Variants in CASP6 observed in about 807,000 individuals in gnomAD.
CASP6 encodes caspase 6.
In CASP6, 20 loss-of-function variants were observed where a neutral mutation model predicts 31.8. The observed-to-expected ratio is 0.63, with a 90% CI of 0.44 to 0.91. The LOEUF (loss-of-function observed/expected upper bound fraction) is 0.91, where lower values mean the gene tolerates loss of function less well. CASP6 is among the 40% of genes least tolerant of loss of function. The pLI, the probability that CASP6 is intolerant of heterozygous loss-of-function variation, is 0.00. For missense variants in CASP6, 328 were observed against 361.1 expected, an observed-to-expected ratio of 0.91 and a Z score of 0.74; for synonymous variants, 130 against 127.8, an observed-to-expected ratio of 1.02 and a Z score of -0.12.
the CASP6 span, among the ~76,000 whole-genome samples, chr4:109,673,329 A>G: frequency 4.9e-3 from 748 of 152,276 alleles, 2 homozygotes; most frequent in Non-Finnish European, 7.0e-3. Flanking sequence ...CATGGACCAT[A>G]AGCCTTAGGT....
At chr4:109,691,856 AG>A (rs1351539917) in intron 5 of CASP6, 1 of 152,246 alleles carries the variant, frequency 6.6e-6, no homozygotes, top group Non-Finnish European at 1.5e-5. Context: ...ATGAAGGCAC[AG>A]GGACAAGATG....
At chr4:109,665,373 A>G in the CASP6 span, among the ~76,000 whole-genome samples, 2 of 152,180 alleles carry the variant, frequency 1.3e-5, no homozygotes, top group Non-Finnish European at 2.9e-5. Flanking sequence ...ACTCTTGCTT[A>G]TATCAATTAG....
chr4:109,689,555 G>A lies in CASP6; in HGVS notation c.657C>T (p.His219=), dbSNP rs374029012. Residue 219 remains histidine, a synonymous_variant, in exon 7 of 7, where the codon CAC becomes CAT. Coordinates refer to ENST00000265164, the MANE Select transcript of CASP6 (RefSeq NM_001226.4). ...ACCATGAGCCGTTCACAGTTTCCCG[G>A]TGAGAATAATATCCTAAAAAAGTGA... ...CYSVAEGYYS[H]RETVNGSWYI... 1.7e-5 allele frequency: 27 copies of A among 1,613,984 alleles called. No homozygotes were observed. The East Asian group carries it at 3.1e-4, about 19-fold the overall frequency.
At chr4:109,703,952 T>C (rs1201354163), upstream of CASP6, among the ~76,000 whole-genome samples, 1 of 152,204 alleles carries the variant, frequency 6.6e-6, no homozygotes, top group Non-Finnish European at 1.5e-5. Context: ...TTCATTGTTA[T>C]TATGTCTGCT....
chr4:109,666,443 A>G, the CASP6 span, among the ~76,000 whole-genome samples: 3,822 of 152,272 alleles, frequency 0.025, 143 homozygotes, highest in African/African-American at 0.088. Flanking sequence ...CTGTTGCCCC[A>G]TATCCTTGCC....
chr4:109,692,436 GAA>G (rs1730086183), intron 5 of CASP6: 1 of 152,202 alleles, frequency 6.6e-6, no homozygotes, highest in African/African-American at 2.4e-5. Flanking sequence ...CATAGAGAGA[GAA>G]AGTAACTTGG....
In CASP6 at chr4:109,690,935, G is replaced by A. The variant is rs918618182; in HGVS notation, c.558C>T (p.Asp186=). Residue 186 remains aspartate, a synonymous_variant, in exon 6 of 7, where the codon GAC becomes GAT. Coordinates refer to ENST00000265164, the MANE Select transcript of CASP6 (RefSeq NM_001226.4). ...CTGCATCCACCTCAGTTATGTTGGT[G>A]TCCAACTTCTCTGTCTGATTATCTA... The part of the protein sequence containing the change: ...DVVDNQTEKL[D]TNITEVDAAS... 4.3e-6 allele frequency: 7 copies of A among 1,613,692 alleles called. No homozygotes were observed. The highest frequency in any genetic ancestry group is 5.9e-6 in the Non-Finnish European group (7 of 1,179,864).
chr4:109,671,545 C>G, the CASP6 span, among the ~76,000 whole-genome samples: 6 of 152,154 alleles, frequency 3.9e-5, no homozygotes, highest in Admixed American at 6.5e-5. Context: ...ATTTCTGTTA[C>G]AGTGGTTTTT....
At chr4:109,704,776 T>A (rs1413025982), upstream of CASP6, among the ~76,000 whole-genome samples, 1 of 152,216 alleles carries the variant, frequency 6.6e-6, no homozygotes, top group Admixed American at 6.5e-5. Context: ...AGTGGTGCGA[T>A]CTTTTGCAAC....
chr4:109,684,857 AAC>A (rs1190595133), downstream of CASP6: 5 of 475,996 alleles, frequency 1.1e-5, 1 homozygote, highest in East Asian at 1.0e-4. Context: ...TAATTAGTGT[AAC>A]ACACAAATTC....
At chr4:109,684,542 C>T (rs1729791879), downstream of CASP6, 5 of 1,612,062 alleles carry the variant, frequency 3.1e-6, no homozygotes, top group East Asian at 1.1e-4. Context: ...ACTGGCCTGG[C>T]TCACGTGGTG....
At chr4:109,680,586 G>C in the CASP6 span, among the ~76,000 whole-genome samples, 1 of 151,756 alleles carries the variant, frequency 6.6e-6, no homozygotes, top group African/African-American at 2.4e-5. Flanking sequence ...AAAGGACTCT[G>C]ACTCTTCTAC....
At chr4:109,700,833 T>C (rs1433820147) in intron 1 of CASP6, among the ~76,000 whole-genome samples, 1 of 152,234 alleles carries the variant, frequency 6.6e-6, no homozygotes, top group African/African-American at 2.4e-5. Flanking sequence ...TTTCTGGAGT[T>C]GATAAACTTT....
At chr4:109,706,168 T>TATATATATATATATACATAC (rs1438834395), upstream of CASP6, among the ~76,000 whole-genome samples, 8 of 92,470 alleles carry the variant, frequency 8.7e-5, no homozygotes, top group African/African-American at 2.4e-4. Flanking sequence ...TATATATATA[T>TATATATATATATATACATAC]ATACACACAC....
At chr4:109,703,159 A>G (rs997455179) in intron 1 of CASP6, among the ~76,000 whole-genome samples, 197 bp downstream of exon 1, 3 of 152,142 alleles carry the variant, frequency 2.0e-5, no homozygotes, top group Non-Finnish European at 2.9e-5. Context: ...AGTGTTTCTT[A>G]GACTGAAGCG....
chr4:109,706,131 TTATATATATATATA>T (rs58847180), upstream of CASP6, among the ~76,000 whole-genome samples: 81 of 36,096 alleles, frequency 2.2e-3, 5 homozygotes, highest in African/African-American at 6.6e-3. Context: ...CCTATCCATT[TTATATATATATATA>T]TATATATATA....
chr4:109,706,552 T>C (rs555086833), upstream of CASP6, among the ~76,000 whole-genome samples: 10 of 152,290 alleles, frequency 6.6e-5, no homozygotes, highest in Non-Finnish European at 1.3e-4. Flanking sequence ...TTTGGGGGGA[T>C]TGACCCCAAT....
At chr4:109,673,466 G>A in the CASP6 span, among the ~76,000 whole-genome samples, 6 of 152,194 alleles carry the variant, frequency 3.9e-5, no homozygotes, top group Non-Finnish European at 8.8e-5. Context: ...TGGGAGGTCA[G>A]TGAGCCCAGG....
chr4:109,703,581 G>A (rs1730505610), upstream of CASP6: 1 of 700,688 alleles, frequency 1.4e-6, no homozygotes, highest in African/African-American at 1.9e-5. Context: ...CAGAGTTAAA[G>A]CTCCTCCCAG....
Sources: allele counts gnomAD v4.1 joint callset (sites outside exome capture counted in the v4.1 genomes callset), GRCh38; gene constraint gnomAD v4.1.1; transcripts MANE v1.5; gene names NCBI Gene and HGNC (gene_info 2026-07-23, HGNC 2026-07-21).